NKAIN2: variants seen among roughly 807,000 people sequenced by gnomAD.
The protein encoded by NKAIN2 is sodium/potassium-transporting ATPase subunit beta-1-interacting protein 2.
NKAIN2 carries 14 observed loss-of-function variants against 32.6 expected under a neutral mutation model. The ratio of observed to expected loss-of-function variants is 0.43; its 90% CI spans 0.28 to 0.67. The LOEUF (loss-of-function observed/expected upper bound fraction) is 0.67, where lower values mean the gene tolerates loss of function less well. Ranked by LOEUF, NKAIN2 falls within the 30% of genes least tolerant of loss-of-function variation. The pLI is 0.17. For synonymous variants in NKAIN2, 80 were observed against 87.2 expected (o/e 0.92, Z 0.46); for missense variants, 198 against 258.3 (o/e 0.77, Z 1.60).
At chr6:124,390,120 T>C (rs1353832366) in intron 3 of NKAIN2, among the ~76,000 whole-genome samples, 1 of 152,062 alleles carries the variant, frequency 6.6e-6, no homozygotes. Flanking sequence ...TGCAAAGTGG[T>C]TTTTCTCTAG....
intron 1 of NKAIN2, among the ~76,000 whole-genome samples, chr6:123,838,670 A>T (rs896771323): frequency 1.3e-5 from 2 of 152,188 alleles, no homozygotes; most frequent in Admixed American, 6.5e-5. Flanking sequence ...ACACGCATAA[A>T]GTAAACACAA....
chr6:124,028,606 A>G (rs1197854105), intron 1 of NKAIN2, among the ~76,000 whole-genome samples: 1 of 151,198 alleles, frequency 6.6e-6, no homozygotes, highest in Non-Finnish European at 1.5e-5. Context: ...ATATAACGAA[A>G]TGTAATATTT....
chr6:124,694,522 T>A (rs905664406), intron 4 of NKAIN2, among the ~76,000 whole-genome samples: 1 of 152,244 alleles, frequency 6.6e-6, no homozygotes, highest in East Asian at 1.9e-4. Context: ...TGCTTTGGAA[T>A]ATGACTTCCC....
At chr6:124,116,788 T>C (rs753475614) in intron 1 of NKAIN2, among the ~76,000 whole-genome samples, 11 of 152,048 alleles carry the variant, frequency 7.2e-5, no homozygotes, top group African/African-American at 9.7e-5. Flanking sequence ...ACCATAGCCA[T>C]TATATAATCA....
chr6:124,217,495 C>G (rs191015185), intron 1 of NKAIN2, among the ~76,000 whole-genome samples: 2 of 151,664 alleles, frequency 1.3e-5, no homozygotes, highest in Admixed American at 6.6e-5. Flanking sequence ...ATACTAAAAA[C>G]GATCTGTACA....
At chr6:124,053,142 A>G (rs905076238) in intron 1 of NKAIN2, among the ~76,000 whole-genome samples, 1 of 152,026 alleles carries the variant, frequency 6.6e-6, no homozygotes, top group Admixed American at 6.6e-5. Context: ...GGATTGTTAC[A>G]TAGGCAAACT....
At chr6:124,155,212 A>G (rs1010396395) in intron 1 of NKAIN2, among the ~76,000 whole-genome samples, 4 of 152,110 alleles carry the variant, frequency 2.6e-5, no homozygotes, top group African/African-American at 9.7e-5. Context: ...ATACAAAATT[A>G]TATCTAGATG....
At chr6:123,939,732 G>A (rs1188385382) in intron 1 of NKAIN2, among the ~76,000 whole-genome samples, 1 of 151,940 alleles carries the variant, frequency 6.6e-6, no homozygotes, top group African/African-American at 2.4e-5. Context: ...TAGTTCCTAT[G>A]AAGATGAATT....
intron 1 of NKAIN2, among the ~76,000 whole-genome samples, chr6:123,887,102 G>C (rs529558893): frequency 6.6e-6 from 1 of 152,176 alleles, no homozygotes; most frequent in Admixed American, 6.6e-5. Flanking sequence ...TGTAGTTAGT[G>C]GGTCATCTTT....
At chr6:123,909,584 C>T (rs113856555) in intron 1 of NKAIN2, among the ~76,000 whole-genome samples, 102 of 152,306 alleles carry the variant, frequency 6.7e-4, no homozygotes, top group African/African-American at 2.3e-3. Context: ...ATTGTTTCTT[C>T]TACCTAGAGC....
At chr6:124,554,910 C>A (rs1230234366) in intron 3 of NKAIN2, among the ~76,000 whole-genome samples, 2 of 152,150 alleles carry the variant, frequency 1.3e-5, no homozygotes, top group Non-Finnish European at 2.9e-5. Flanking sequence ...TTCTGTGCAA[C>A]CTGCTGGCAT....
At chr6:124,128,705 ATCTTGC>A (rs946763899) in intron 1 of NKAIN2, among the ~76,000 whole-genome samples, 2 of 152,156 alleles carry the variant, frequency 1.3e-5, no homozygotes, top group African/African-American at 4.8e-5. Context: ...TTCTAAGTTA[ATCTTGC>A]TCTTCTTTCT....
At chr6:124,031,281 T>C (rs1781391485) in intron 1 of NKAIN2, among the ~76,000 whole-genome samples, 1 of 152,148 alleles carries the variant, frequency 6.6e-6, no homozygotes, top group African/African-American at 2.4e-5. Flanking sequence ...TTATTACGTC[T>C]ATTTGATTCT....
intron 1 of NKAIN2, among the ~76,000 whole-genome samples, chr6:124,251,758 A>G (rs1000656243): frequency 6.6e-6 from 1 of 152,006 alleles, no homozygotes; most frequent in Non-Finnish European, 1.5e-5. Flanking sequence ...GGACCCTTCA[A>G]TCTCCTCTGA....
chr6:123,977,208 A>C (rs538703400), intron 1 of NKAIN2, among the ~76,000 whole-genome samples: 1 of 152,156 alleles, frequency 6.6e-6, no homozygotes, highest in Non-Finnish European at 1.5e-5. Flanking sequence ...ACTCCTTAAC[A>C]TTAACAGTAA....
intron 3 of NKAIN2, among the ~76,000 whole-genome samples, chr6:124,625,332 TTAAA>T (rs1335897042): frequency 3.3e-5 from 5 of 152,146 alleles, no homozygotes; most frequent in African/African-American, 1.2e-4. Context: ...TGTCAGTTTC[TTAAA>T]TAAAGTGTCT....
chr6:123,866,180 T>C (rs1772500010), intron 1 of NKAIN2, among the ~76,000 whole-genome samples: 2 of 152,282 alleles, frequency 1.3e-5, no homozygotes, highest in Admixed American at 6.5e-5. Context: ...TAGTTTTCTC[T>C]CCCCTGTACC....
chr6:123,924,749 A>T lies in NKAIN2; in HGVS notation c.54+120495A>T, dbSNP rs1398818073. The stretch of plus-strand genomic sequence containing the variant: ...TTCCTAGCCCTAAATTTTAACTATA[A>T]TATAATTTCATGATATCATTATTAT... On this transcript the variant is annotated intron_variant, in intron 1 of 6. Transcript: ENST00000368417. 2.0e-5 allele frequency among the ~76,000 whole-genome samples: 3 copies of T among 152,230 alleles called. No homozygotes were observed. In the East Asian group the frequency reaches 5.8e-4, roughly 29 times the overall value.
At chr6:124,741,880 T>C (rs964253269) in intron 4 of NKAIN2, among the ~76,000 whole-genome samples, 1 of 151,854 alleles carries the variant, frequency 6.6e-6, no homozygotes, top group Non-Finnish European at 1.5e-5. Flanking sequence ...GAAAGTTGTG[T>C]CCATTAATAG....
Sources: gnomAD v4.1 joint callset for allele counts (sites outside exome capture counted in the v4.1 genomes callset) on GRCh38, gnomAD v4.1.1 for gene constraint, MANE v1.5 for transcripts, NCBI Gene and HGNC (gene_info 2026-07-23, HGNC 2026-07-21) for gene names.